Variants in KSR2 observed in about 807,000 individuals in gnomAD.
KSR2 encodes kinase suppressor of ras 2.
In KSR2, 25 loss-of-function variants were observed where a neutral mutation model predicts 107.8. That is an observed-to-expected ratio of 0.23 (90% CI 0.17 to 0.32). KSR2 has a LOEUF of 0.32. KSR2 is among the 10% of genes least tolerant of loss of function. The probability of loss-of-function intolerance (pLI) is 1.00; values close to 1 mark genes in which losing one functional copy is unlikely to be tolerated. For missense variants in KSR2, 887 were observed against 1,268.9 expected, an observed-to-expected ratio of 0.70 and a Z score of 4.57; for synonymous variants, 480 against 507.0, an observed-to-expected ratio of 0.95 and a Z score of 0.71.
At chr12:117,625,797 C>T (rs989239043) in intron 5 of KSR2, among the ~76,000 whole-genome samples, 1 of 152,126 alleles carries the variant, frequency 6.6e-6, no homozygotes, top group African/African-American at 2.4e-5. Context: ...CATCTTTGTA[C>T]CTCTAGCAGA....
intron 1 of KSR2, among the ~76,000 whole-genome samples, chr12:117,936,032 C>T (rs1012657923): frequency 2.1e-4 from 32 of 151,774 alleles, no homozygotes; most frequent in African/African-American, 7.8e-4. Context: ...TTCCTTATTC[C>T]ATTTATTGAA....
At chr12:117,699,840 A>C (rs1184749484) in intron 4 of KSR2, among the ~76,000 whole-genome samples, 1 of 152,128 alleles carries the variant, frequency 6.6e-6, no homozygotes, top group African/African-American at 2.4e-5. Flanking sequence ...TGACGTCACT[A>C]GGTGATAGGA....
At chr12:117,495,422 C>T (rs1872967379) in intron 14 of KSR2, among the ~76,000 whole-genome samples, 1 of 152,148 alleles carries the variant, frequency 6.6e-6, no homozygotes, top group Non-Finnish European at 1.5e-5. Context: ...TGCCAGAAAG[C>T]AAGTGAGAAA....
chr12:117,959,935 G>GAA (rs143626382), intron 1 of KSR2, among the ~76,000 whole-genome samples: 25 of 99,002 alleles, frequency 2.5e-4, no homozygotes, highest in Admixed American at 4.1e-4. Context: ...TGTCTCAAAA[G>GAA]AAAAAAAAAA....
intron 14 of KSR2, among the ~76,000 whole-genome samples, chr12:117,489,542 C>T (rs1872639142): frequency 7.6e-6 from 1 of 130,982 alleles, no homozygotes; most frequent in African/African-American, 3.1e-5. Flanking sequence ...GAGTGAGACC[C>T]TGTCTCAAAA....
intron 14 of KSR2, among the ~76,000 whole-genome samples, chr12:117,513,185 A>G (rs1874140040): frequency 6.6e-6 from 1 of 152,118 alleles, no homozygotes; most frequent in African/African-American, 2.4e-5. Flanking sequence ...TAATACATCT[A>G]TTGATTTTCC....
At chr12:117,556,375 G>A (rs1877696507) in intron 8 of KSR2, among the ~76,000 whole-genome samples, 1 of 152,112 alleles carries the variant, frequency 6.6e-6, no homozygotes, top group Admixed American at 6.5e-5. Flanking sequence ...CCCAAGGCAG[G>A]GTCTCAAGGG....
intron 9 of KSR2, among the ~76,000 whole-genome samples, chr12:117,552,957 C>A (rs1877405508): frequency 6.6e-6 from 1 of 152,202 alleles, no homozygotes; most frequent in African/African-American, 2.4e-5. Flanking sequence ...TCCCTCTGCT[C>A]TCTGTCCTAA....
chr12:117,966,711 CT>C (rs1416789526), intron 1 of KSR2, among the ~76,000 whole-genome samples: 1 of 149,496 alleles, frequency 6.7e-6, no homozygotes, highest in Middle Eastern at 3.4e-3. Flanking sequence ...TCTCTCTCTT[CT>C]TTCAAAGGGA....
rs536290282 is a variant in KSR2, at chr12:117,562,226, A to C, written c.1326-3653T>G. ...GCTTTTAAAGTGATGAGAACTTTTA[A>C]AGTGAAGAGAACAACACGAATGGTG... On this transcript the variant is annotated intron_variant, in intron 7 of 19. Coordinates refer to ENST00000339824, the MANE Select transcript of KSR2 (RefSeq NM_173598.6). Among the ~76,000 whole-genome samples the C allele has an allele frequency of 2.2e-4, 34 of 151,752 alleles. 1 individual carries two copies. In the South Asian group the frequency reaches 6.1e-3, roughly 27 times the overall value.
chr12:117,804,094 GTGCAGTGA>G (rs1890929803), intron 3 of KSR2, among the ~76,000 whole-genome samples: 1 of 152,170 alleles, frequency 6.6e-6, no homozygotes, highest in Admixed American at 6.5e-5. Flanking sequence ...CCAGGCTGGG[GTGCAGTGA>G]TGCAATCTCG....
chr12:117,724,474 T>C (rs1001672947), intron 4 of KSR2, among the ~76,000 whole-genome samples: 2 of 152,142 alleles, frequency 1.3e-5, no homozygotes, highest in Non-Finnish European at 2.9e-5. Context: ...ATGGGCAATA[T>C]AATCTTGCCA....
intron 1 of KSR2, among the ~76,000 whole-genome samples, chr12:117,966,000 T>C (rs1479372224): frequency 3.5e-4 from 1 of 2,882 alleles, no homozygotes; most frequent in East Asian, 0.071. Context: ...CTGGGCAAGA[T>C]GGATGAAAGT....
intron 5 of KSR2, among the ~76,000 whole-genome samples, chr12:117,636,633 C>A (rs780305939): frequency 6.6e-6 from 1 of 152,184 alleles, no homozygotes; most frequent in South Asian, 2.1e-4. Context: ...AGGTCCCTAA[C>A]TTATACCATA....
At chr12:117,585,416 T>G (rs1879927058) in intron 5 of KSR2, among the ~76,000 whole-genome samples, 1 of 152,208 alleles carries the variant, frequency 6.6e-6, no homozygotes, top group African/African-American at 2.4e-5. Flanking sequence ...TGTAATTAAG[T>G]TTAGTAGTTT....
In KSR2 at chr12:117,656,963, G is replaced by GAT. The variant is rs199502933; in HGVS notation, c.1171+10509_1171+10510dup. ...TAGGATATATATATATATATAATAG[G>GAT]ATATATATATATAATAGGATATATA... is the stretch of plus-strand genomic sequence containing the variant. On this transcript the variant is annotated intron_variant, in intron 5 of 19. Transcript: ENST00000339824. Among the ~76,000 whole-genome samples, 206 of 88,838 alleles carry GAT rather than the reference G, an allele frequency of 2.3e-3. 5 individuals carry two copies. The highest frequency in any genetic ancestry group is 8.6e-3 in the African/African-American group (180 of 20,854). The allele number at this position is 88,838 out of a possible 152,430, so 58.3% of individuals were successfully genotyped here.
At position 117,505,502 on chromosome 12, in the gene KSR2, T is replaced by C. The variant is rs568836384; in HGVS notation, c.2219+19350A>G. Among the ~76,000 whole-genome samples the C allele has an allele frequency of 4.7e-4, 72 of 152,218 alleles. 1 individual carries two copies. The highest frequency in any genetic ancestry group is 1.6e-3 in the African/African-American group (68 of 41,530). On this transcript the variant is annotated intron_variant, in intron 14 of 19. Transcript: ENST00000339824. ...TTACACCCATGGAACCCTGGGCAAA[T>C]AACATTTCCTGGAGTCTGATCTGTA...
chr12:117,470,740 C>T (rs561938693), intron 18 of KSR2, among the ~76,000 whole-genome samples: 4 of 152,308 alleles, frequency 2.6e-5, no homozygotes, highest in Admixed American at 2.0e-4. Context: ...ATTCTTCCTG[C>T]TGTGTTTCAG....
At chr12:117,635,492 T>C (rs570094497) in intron 5 of KSR2, among the ~76,000 whole-genome samples, 1 of 152,156 alleles carries the variant, frequency 6.6e-6, no homozygotes, top group South Asian at 2.1e-4. Context: ...ATTTAAAAGA[T>C]GAAAGGCAAA....
Sources: gnomAD v4.1 joint callset for allele counts (sites outside exome capture counted in the v4.1 genomes callset) on GRCh38, gnomAD v4.1.1 for gene constraint, MANE v1.5 for transcripts, NCBI Gene and HGNC (gene_info 2026-07-23, HGNC 2026-07-21) for gene names.